MUSK: variants seen among roughly 807,000 people sequenced by gnomAD.
MUSK encodes the protein muscle associated receptor tyrosine kinase.
Under a neutral mutation model 88.7 loss-of-function variants are expected in MUSK, and 55 were observed. The observed-to-expected ratio is 0.62, with a 90% CI of 0.50 to 0.78. The LOEUF (loss-of-function observed/expected upper bound fraction) is 0.78, where lower values mean the gene tolerates loss of function less well. Among genes scored for constraint, MUSK ranks in the 30% least tolerant of loss-of-function variants. The probability of loss-of-function intolerance (pLI) is 0.00; values close to 1 mark genes in which losing one functional copy is unlikely to be tolerated. For synonymous variants in MUSK, 387 were observed against 391.9 expected, an observed-to-expected ratio of 0.99 and a Z score of 0.15; for missense variants, 1,015 against 1,074.3, an observed-to-expected ratio of 0.94 and a Z score of 0.77.
At chr9:110,696,373 T>G (rs2076430406) in intron 4 of MUSK, among the ~76,000 whole-genome samples, 1 of 152,222 alleles carries the variant, frequency 6.6e-6, no homozygotes, top group African/African-American at 2.4e-5. Flanking sequence ...GCATCATTAT[T>G]GTCTTTCCAT....
chr9:110,689,931 TATATAA>T (rs2076291901), intron 3 of MUSK, among the ~76,000 whole-genome samples: 3 of 95,418 alleles, frequency 3.1e-5, no homozygotes, highest in Non-Finnish European at 5.4e-5. Flanking sequence ...TTAAATATAA[TATATAA>T]ATATATATTT....
chr9:110,695,389 T>G lies in MUSK; in HGVS notation c.359-14T>G. ...ATATTGCCTTATTTATTTTGAATTT[T>G]CATTTCTTTTTAGAACCTAAAATAA... On this transcript the variant is annotated splice_polypyrimidine_tract_variant and intron_variant, in intron 3 of 14. Transcript: ENST00000374448. 6.9e-7 allele frequency: 1 copy of G among 1,456,526 alleles called. No individual in the cohort carries two copies. Among genetic ancestry groups the G allele is most frequent in the Admixed American group, 2.4e-5 (1 of 41,942 alleles). The allele number at this position is 1,456,526 out of a possible 1,614,324, so 90.2% of individuals were successfully genotyped here.
chr9:110,679,473 A>C (rs1370483684), intron 1 of MUSK, among the ~76,000 whole-genome samples: 1 of 151,486 alleles, frequency 6.6e-6, no homozygotes, highest in African/African-American at 2.4e-5. Flanking sequence ...ATTTTATTTA[A>C]GTGTGTCTTT....
intron 1 of MUSK, among the ~76,000 whole-genome samples, chr9:110,678,199 C>A (rs1485192352): frequency 6.6e-6 from 1 of 152,142 alleles, no homozygotes; most frequent in Non-Finnish European, 1.5e-5. Context: ...GCAGCCTTGA[C>A]CTCCTGGGCT....
chr9:110,675,855 C>G (rs1350811652), intron 1 of MUSK, among the ~76,000 whole-genome samples: 1 of 152,110 alleles, frequency 6.6e-6, no homozygotes, highest in South Asian at 2.1e-4. Flanking sequence ...GCCACCGCAC[C>G]TGGCCTAGTC....
chr9:110,745,059 C>G (rs758310498), intron 6 of MUSK, among the ~76,000 whole-genome samples: 26 of 152,292 alleles, frequency 1.7e-4, no homozygotes, highest in Non-Finnish European at 2.6e-4. Flanking sequence ...ATGGGGCCTG[C>G]TGTGCGTGAG....
intron 6 of MUSK, among the ~76,000 whole-genome samples, chr9:110,744,344 G>C (rs2077145427): frequency 6.6e-6 from 1 of 152,298 alleles, no homozygotes; most frequent in East Asian, 1.9e-4. Context: ...ATTGAGGCCA[G>C]AATACCTTTC....
chr9:110,722,796 A>G (rs972830140), intron 5 of MUSK, among the ~76,000 whole-genome samples: 11 of 152,188 alleles, frequency 7.2e-5, no homozygotes, highest in Non-Finnish European at 1.5e-4. Flanking sequence ...AATGCTCCAC[A>G]TCACTAATTA....
At chr9:110,763,093 T>G (rs1047813297) in intron 8 of MUSK, among the ~76,000 whole-genome samples, 2 of 151,778 alleles carry the variant, frequency 1.3e-5, no homozygotes, top group Admixed American at 6.6e-5. Flanking sequence ...AAAAAAACAG[T>G]TTTTTTTAAC....
chr9:110,739,048 T>C (rs937143675), intron 6 of MUSK, among the ~76,000 whole-genome samples: 2 of 152,102 alleles, frequency 1.3e-5, no homozygotes, highest in African/African-American at 4.8e-5. Flanking sequence ...GCCCAGACCA[T>C]TGGACTCTGT....
intron 9 of MUSK, among the ~76,000 whole-genome samples, chr9:110,772,973 A>C (rs2077603502): frequency 6.6e-6 from 1 of 152,116 alleles, no homozygotes; most frequent in South Asian, 2.1e-4. Context: ...AGGTTGGTAC[A>C]AAAGTAATTG....
At chr9:110,680,097 G>C (rs1276423099) in intron 1 of MUSK, among the ~76,000 whole-genome samples, 2 of 151,998 alleles carry the variant, frequency 1.3e-5, no homozygotes. Flanking sequence ...TCTGTGAGTG[G>C]TAAACACTCT....
At chr9:110,697,026 AT>A (rs1381428902) in intron 4 of MUSK, among the ~76,000 whole-genome samples, 1 of 148,640 alleles carries the variant, frequency 6.7e-6, no homozygotes, top group Non-Finnish European at 1.5e-5. Context: ...AAATAAGCCC[AT>A]ATACATATAT....
chr9:110,682,896 T>C, intron 2 of MUSK, 96 bp downstream of exon 2: 1 of 851,622 alleles, frequency 1.2e-6, no homozygotes, highest in Non-Finnish European at 1.7e-6. Flanking sequence ...GATGTTTTGA[T>C]ACAGGCATGC....
chr9:110,682,533 AG>A (rs2076146820), intron 1 of MUSK, 140 bp from the exon 2 acceptor site: 1 of 735,666 alleles, frequency 1.4e-6, no homozygotes, highest in African/African-American at 1.8e-5. Context: ...TCTTTACATA[AG>A]CTCTTCCTTT....
rs548795485 is a variant in MUSK at position 110,714,338 on chromosome 9, G to T, written c.628+16872G>T. ...ATCCATATTTACAAGTGAGAAAAAC[G>T]TTACCATCTCAAAGGCCACAGAAAT... is the stretch of plus-strand genomic sequence containing the variant. On this transcript the variant is annotated intron_variant, in intron 5 of 14. Transcript: ENST00000374448. 3.3e-5 allele frequency among the ~76,000 whole-genome samples: 5 copies of T among 152,190 alleles called. No individual in the cohort carries two copies. In the East Asian group the frequency reaches 7.7e-4, roughly 24 times the overall value.
At chr9:110,751,333 G>A (rs920671525) in intron 7 of MUSK, among the ~76,000 whole-genome samples, 1 of 152,172 alleles carries the variant, frequency 6.6e-6, no homozygotes, top group African/African-American at 2.4e-5. Context: ...TCTGAGACAG[G>A]CAGTATAGGA....
intron 5 of MUSK, among the ~76,000 whole-genome samples, chr9:110,729,127 T>A (rs1340077256): frequency 6.6e-6 from 1 of 151,448 alleles, no homozygotes; most frequent in Admixed American, 6.6e-5. Flanking sequence ...GCCAATTTGG[T>A]TTTTATTGTG....
intron 10 of MUSK, 69 bp from the exon 11 acceptor site, chr9:110,776,563 A>G (rs1025740671): frequency 1.6e-5 from 20 of 1,253,866 alleles, no homozygotes; most frequent in Non-Finnish European, 2.2e-5. Flanking sequence ...CTTAGCACTC[A>G]CTCTCTCACA....
Sources: allele counts gnomAD v4.1 joint callset (sites outside exome capture counted in the v4.1 genomes callset), GRCh38; gene constraint gnomAD v4.1.1; transcripts MANE v1.5; gene names NCBI Gene and HGNC (gene_info 2026-07-23, HGNC 2026-07-21).